ENTPD1: variants seen among roughly 807,000 people sequenced by gnomAD.
ENTPD1 encodes ATP diphosphohydrolase.
ENTPD1 carries 33 observed loss-of-function variants against 57.0 expected under a neutral mutation model. That is an observed-to-expected ratio of 0.58 (90% CI 0.44 to 0.77). The LOEUF is 0.77. Among genes scored for constraint, ENTPD1 ranks in the 30% least tolerant of loss-of-function variants. The probability of loss-of-function intolerance (pLI) is 0.00; values close to 1 mark genes in which losing one functional copy is unlikely to be tolerated. For synonymous variants in ENTPD1, 202 were observed against 218.8 expected, an observed-to-expected ratio of 0.92 and a Z score of 0.68; for missense variants, 501 against 603.4, an observed-to-expected ratio of 0.83 and a Z score of 1.78.
rs577038392 is a variant in ENTPD1, at chr10:95,734,021, G to A, written c.37+22028G>A. 2.6e-4 allele frequency among the ~76,000 whole-genome samples: 39 copies of A among 152,232 alleles called. No individual in the cohort carries two copies. In the South Asian group the frequency reaches 7.5e-3, roughly 29 times the overall value. On this transcript the variant is annotated intron_variant, in intron 1 of 9. Coordinates refer to the ENTPD1 transcript ENST00000453258. ...GTGGTCATGTCCTGCTGGGTAATAC[G>A]TCAGAAAGGACAGCTGCATGGTGTC...
chr10:95,744,378 G>A (rs1052803730), intron 1 of ENTPD1, among the ~76,000 whole-genome samples: 2 of 152,122 alleles, frequency 1.3e-5, no homozygotes, highest in African/African-American at 4.8e-5. Context: ...ACTCATGCCT[G>A]TAATCCTAGC....
intron 2 of ENTPD1, among the ~76,000 whole-genome samples, chr10:95,830,011 G>C (rs2098391402): frequency 6.6e-6 from 1 of 152,176 alleles, no homozygotes. Context: ...GGACTCTGCA[G>C]AGAGTCCCCA....
intron 1 of ENTPD1, among the ~76,000 whole-genome samples, chr10:95,716,882 G>A (rs918100309): frequency 6.6e-6 from 1 of 152,194 alleles, no homozygotes; most frequent in Non-Finnish European, 1.5e-5. Context: ...TTCTGACACT[G>A]AGCCATTTCT....
chr10:95,876,025 A>T lies in ENTPD1; in HGVS notation c.*9642A>T. On this transcript the variant is annotated 3_prime_UTR_variant, in exon 10 of 10. Coordinates refer to ENST00000371205, the MANE Select transcript of ENTPD1 (RefSeq NM_001776.6). ...ACAATCTCTTGCTATATGACACAAT[A>T]ATTATTTGCAAAATGAGTAAACATA... The T allele has an allele frequency of 1.0e-6, 1 of 985,388 alleles. No homozygotes were observed. 61.0% of individuals were successfully genotyped at this position (985,388 alleles called of 1,614,324 possible). A position where few individuals can be genotyped will look rare whatever the true frequency, so the allele number is the denominator to read the frequency against.
intron 2 of ENTPD1, among the ~76,000 whole-genome samples, 165 bp downstream of exon 2, chr10:95,823,529 G>A (rs2098361944): frequency 6.6e-6 from 1 of 152,194 alleles, no homozygotes; most frequent in South Asian, 2.1e-4. Context: ...GGAAATAGGT[G>A]CTCATTCTAG....
rs1464042755 is a variant in ENTPD1 at position 95,860,496 on chromosome 10, A to G, written c.1102A>G (p.Lys368Glu). The G allele has an allele frequency of 6.2e-7, 1 of 1,613,800 alleles. No homozygotes were observed. Among genetic ancestry groups the G allele is most frequent in the Admixed American group, 1.7e-5 (1 of 60,022 alleles). The change falls in exon 8 of 10, where the codon AAG (lysine) becomes GAG (glutamate). Residue 368 changes from lysine to glutamate, a missense_variant. By Grantham distance (56) the Lys-to-Glu change is moderately conservative. Coordinates refer to ENST00000371205, the MANE Select transcript of ENTPD1 (RefSeq NM_001776.6). ...GAFSAFYFVM[K>E]FLNLTSEKVS... ...ATTTTCAGCTTTTTACTTTGTGATG[A>G]AGTTTTTAAACTTGACATCAGAGAA...
chr10:95,857,957 T>C (rs1411273273), intron 7 of ENTPD1, among the ~76,000 whole-genome samples: 4 of 151,974 alleles, frequency 2.6e-5, no homozygotes, highest in African/African-American at 7.3e-5. Context: ...GTTAGGAGAT[T>C]GAGACCATCC....
chr10:95,727,789 G>A (rs184896935), intron 1 of ENTPD1, among the ~76,000 whole-genome samples: 78 of 152,294 alleles, frequency 5.1e-4, no homozygotes, highest in African/African-American at 1.9e-3. Context: ...TTAGCAGCAT[G>A]TTAAAAATAA....
intron 1 of ENTPD1, among the ~76,000 whole-genome samples, chr10:95,757,317 A>G (rs532944105): frequency 6.6e-6 from 1 of 152,088 alleles, no homozygotes; most frequent in Admixed American, 6.5e-5. Context: ...TGACATTCCC[A>G]TTTTCCAGAT....
At chr10:95,707,461 G>A (rs375526315), upstream of ENTPD1, among the ~76,000 whole-genome samples, 5 of 152,370 alleles carry the variant, frequency 3.3e-5, no homozygotes, top group South Asian at 8.3e-4. Flanking sequence ...CAGCTAGTGT[G>A]ATGGTAGCAT....
the ENTPD1 span, among the ~76,000 whole-genome samples, chr10:95,703,860 G>A: frequency 4.0e-5 from 6 of 151,674 alleles, no homozygotes; most frequent in Non-Finnish European, 5.9e-5. Context: ...CGAGGCTGAG[G>A]TGGGTGGATC....
At position 95,844,741 on chromosome 10, in the gene ENTPD1, A is replaced by G. The variant is rs1590122836; in HGVS notation, c.573+106A>G. 6 of 1,223,272 alleles carry G rather than the reference A, an allele frequency of 4.9e-6. No homozygotes were observed. In the East Asian group the frequency reaches 1.4e-4, roughly 29 times the overall value. The allele number at this position is 1,223,272 out of a possible 1,614,324, so 75.8% of individuals were successfully genotyped here. A position where few individuals can be genotyped will look rare whatever the true frequency, so the allele number is the denominator to read the frequency against. ...GCCAGAATGAATGAATGAATGATAG[A>G]TGGATGGATGGATGGATGACTGGAT... On this transcript the variant is annotated intron_variant, in intron 5 of 9. Coordinates refer to ENST00000371205, the MANE Select transcript of ENTPD1 (RefSeq NM_001776.6).
chr10:95,821,996 C>CTT (rs71034351), intron 1 of ENTPD1, among the ~76,000 whole-genome samples: 3,365 of 92,638 alleles, frequency 0.036, 98 homozygotes, highest in African/African-American at 0.065. Context: ...TAGCTTTTGC[C>CTT]TTTTTTTTTT....
chr10:95,843,761 G>A (rs1263136962), intron 4 of ENTPD1, among the ~76,000 whole-genome samples: 1 of 152,210 alleles, frequency 6.6e-6, no homozygotes, highest in African/African-American at 2.4e-5. Flanking sequence ...GCAGTTAGTA[G>A]GTGTGGACGC....
At position 95,760,279 on chromosome 10, in the gene ENTPD1, T is replaced by C. The variant is rs566850912; in HGVS notation, c.16+4024T>C. On this transcript the variant is annotated intron_variant, in intron 1 of 9. Transcript: ENST00000371205. Reference sequence around the variant, plus strand: ...AAGGATAGGACACTTCAGTTGGATCTAGAAAGATGAGTAGAATCTGGTGCC... The same window carrying C: ...AAGGATAGGACACTTCAGTTGGATCCAGAAAGATGAGTAGAATCTGGTGCC... Among the ~76,000 whole-genome samples the C allele has an allele frequency of 2.0e-5, 3 of 152,340 alleles. No homozygotes were observed. The South Asian group carries it at 6.2e-4, about 32-fold the overall frequency.
chr10:95,839,666 A>C (rs1158729903), intron 2 of ENTPD1, 25 bp from the exon 3 acceptor site: 1 of 1,609,790 alleles, frequency 6.2e-7, no homozygotes, highest in Non-Finnish European at 8.5e-7. Context: ...GATACTGATA[A>C]GTTTTTGGTC....
At position 95,860,630 on chromosome 10, in the gene ENTPD1, G is replaced by A. The variant is rs769240167; in HGVS notation, c.1188+48G>A. On this transcript the variant is annotated intron_variant, in intron 8 of 9. Transcript: ENST00000371205. ...TCTAACAGCATGAGTGCCCTGTGTCGTTGCTGATGCAGAGGATGTGAGTCT... is the reference window on the plus strand; with the variant it reads ...TCTAACAGCATGAGTGCCCTGTGTCATTGCTGATGCAGAGGATGTGAGTCT... The A allele has an allele frequency of 4.9e-5, 74 of 1,513,028 alleles. 2 individuals are homozygous for A. In the Middle Eastern group the frequency reaches 6.8e-4, roughly 14 times the overall value. The allele number at this position is 1,513,028 out of a possible 1,614,324, so 93.7% of individuals were successfully genotyped here.
chr10:95,756,091 G>A (rs200059678), upstream of ENTPD1: 64 of 1,520,170 alleles, frequency 4.2e-5, no homozygotes, highest in East Asian at 1.4e-3. Flanking sequence ...TTCCGAAACG[G>A]GGCCGGCTAA....
At chr10:95,774,477 G>A (rs1589768900) in intron 1 of ENTPD1, among the ~76,000 whole-genome samples, 2 of 152,308 alleles carry the variant, frequency 1.3e-5, no homozygotes, top group Admixed American at 1.3e-4. Context: ...TAACATTTAA[G>A]TCTTTAATCC....
Sources: allele counts gnomAD v4.1 joint callset (sites outside exome capture counted in the v4.1 genomes callset), GRCh38; gene constraint gnomAD v4.1.1; transcripts MANE v1.5; gene names NCBI Gene and HGNC (gene_info 2026-07-23, HGNC 2026-07-21).